Variants in HABP2 observed in about 807,000 individuals in gnomAD.
HABP2 encodes the protein factor VII-activating protease.
In HABP2, 65 loss-of-function variants were observed where a neutral mutation model predicts 66.5. The observed-to-expected ratio is 0.98, with a 90% CI of 0.80 to 1.20. The LOEUF (loss-of-function observed/expected upper bound fraction) is 1.20. Ranked by LOEUF, HABP2 falls within the 50% of genes most tolerant of loss-of-function variation. The pLI is 0.00. For synonymous variants in HABP2, 263 were observed against 253.9 expected (o/e 1.04, Z -0.34); for missense variants, 786 against 691.0 (o/e 1.14, Z -1.54).
At chr10:113,569,675 A>T (rs1439007259) in intron 2 of HABP2, 1 of 152,338 alleles carries the variant, frequency 6.6e-6, no homozygotes, top group East Asian at 1.9e-4. Flanking sequence ...GGCCTGTGGA[A>T]ATGCCTCTTC....
intron 1 of HABP2, among the ~76,000 whole-genome samples, chr10:113,561,328 T>C (rs1168065231): frequency 6.6e-6 from 1 of 152,182 alleles, no homozygotes; most frequent in African/African-American, 2.4e-5. Flanking sequence ...GGATTTGGCC[T>C]GGGCACTGGC....
chr10:113,559,499 G>A (rs981565001), intron 1 of HABP2, among the ~76,000 whole-genome samples: 1 of 152,228 alleles, frequency 6.6e-6, no homozygotes, highest in African/African-American at 2.4e-5. Context: ...AGTCTCCTCA[G>A]CCAGAAGCTT....
At chr10:113,581,384 C>G (rs1195339734) in intron 8 of HABP2, among the ~76,000 whole-genome samples, 1 of 152,216 alleles carries the variant, frequency 6.6e-6, no homozygotes, top group Non-Finnish European at 1.5e-5. Context: ...ATTTACTGCT[C>G]TCTCCTTTTG....
chr10:113,559,335 G>A (rs570907585), intron 1 of HABP2, among the ~76,000 whole-genome samples: 6 of 152,286 alleles, frequency 3.9e-5, no homozygotes, highest in Admixed American at 1.3e-4. Flanking sequence ...TCTCACCTGC[G>A]GAGTAATCAT....
At position 113,573,051 on chromosome 10, in the gene HABP2, G is replaced by A. The variant is rs1036627110; in HGVS notation, c.107-1238G>A. On this transcript the variant is annotated intron_variant, in intron 2 of 12. Transcript: ENST00000351270. ...ATCCTCCAAGCCATCAGCTGGCTCC[G>A]TAGGAGTGCCTTTTCAAGTCAGCTA... 6.6e-5 allele frequency among the ~76,000 whole-genome samples: 10 copies of A among 152,212 alleles called. No homozygotes were observed. In the East Asian group the frequency reaches 7.7e-4, roughly 12 times the overall value.
At chr10:113,568,896 T>A (rs145724543) in intron 2 of HABP2, among the ~76,000 whole-genome samples, 1 of 152,256 alleles carries the variant, frequency 6.6e-6, no homozygotes, top group East Asian at 1.9e-4. Context: ...GTAAGAGACA[T>A]CTACAGTGAG....
chr10:113,569,624 C>A (rs140060046), intron 2 of HABP2: 2 of 152,464 alleles, frequency 1.3e-5, no homozygotes, highest in African/African-American at 4.8e-5. Context: ...ACAGCACAGA[C>A]TCTGCCAATC....
intron 12 of HABP2, among the ~76,000 whole-genome samples, chr10:113,587,338 C>A (rs116051850): frequency 6.6e-5 from 10 of 150,810 alleles, no homozygotes; most frequent in Non-Finnish European, 1.3e-4. Context: ...AACAAACAAA[C>A]AAAAAAAAAC....
intron 2 of HABP2, chr10:113,570,178 T>C (rs1378033652): frequency 1.3e-5 from 2 of 152,218 alleles, no homozygotes; most frequent in African/African-American, 4.8e-5. Context: ...TATGATGTCA[T>C]CTCATTTGGC....
At chr10:113,551,754 C>G (rs1844902545), upstream of HABP2, among the ~76,000 whole-genome samples, 1 of 151,874 alleles carries the variant, frequency 6.6e-6, no homozygotes, top group Non-Finnish European at 1.5e-5. Flanking sequence ...TGCAGTGAGC[C>G]AAGATCACGC....
At chr10:113,581,693 G>T (rs1029386104) in intron 8 of HABP2, among the ~76,000 whole-genome samples, 183 bp from the exon 9 acceptor site, 1 of 152,198 alleles carries the variant, frequency 6.6e-6, no homozygotes, top group Non-Finnish European at 1.5e-5. Flanking sequence ...TTTATGTTAC[G>T]CAATGTATTC....
In HABP2 at chr10:113,589,484, C is replaced by A. The variant is rs117698899; in HGVS notation, c.*1115C>A. On this transcript the variant is annotated 3_prime_UTR_variant, in exon 13 of 13. Transcript: ENST00000351270. ...AGAGAAAGCCCTGCAGGAAGTTTAACCTGCGTGTCATCTGCCTGGTCATCT... is the reference window on the plus strand; with the variant it reads ...AGAGAAAGCCCTGCAGGAAGTTTAAACTGCGTGTCATCTGCCTGGTCATCT... The A allele has an allele frequency of 0.011, 7,584 of 680,604 alleles. 55 individuals are homozygous for A. The highest frequency in any genetic ancestry group is 0.021 in the Middle Eastern group (50 of 2,402). 42.2% of individuals were successfully genotyped at this position (680,604 alleles called of 1,614,324 possible).
At chr10:113,572,413 GA>G in intron 2 of HABP2, among the ~76,000 whole-genome samples, 1 of 152,196 alleles carries the variant, frequency 6.6e-6, no homozygotes, top group Non-Finnish European at 1.5e-5. Flanking sequence ...TAGCTGGTCT[GA>G]CTGCCAACCT....
chr10:113,569,632 A>G (rs769059087), intron 2 of HABP2: 3 of 152,358 alleles, frequency 2.0e-5, no homozygotes, highest in East Asian at 3.8e-4. Context: ...GACTCTGCCA[A>G]TCTCCCCAAA....
At chr10:113,576,374 C>T (rs1460312544) in intron 4 of HABP2, among the ~76,000 whole-genome samples, 1 of 152,152 alleles carries the variant, frequency 6.6e-6, no homozygotes, top group Non-Finnish European at 1.5e-5. Context: ...AGACCCAACC[C>T]AGTTAGAGAA....
Position 113,588,534 on chromosome 10 carries a change from G to C in HABP2, c.*165G>C. ...ACCCAGCCTGGGCCTTCCCAGACCA[G>C]CATTTGCACAATATCACCAGGCTTC... On this transcript the variant is annotated 3_prime_UTR_variant, in exon 13 of 13. Coordinates refer to ENST00000351270, the MANE Select transcript of HABP2 (RefSeq NM_004132.5). 1 of 564,922 alleles carries C rather than the reference G, an allele frequency of 1.8e-6. No individual in the cohort carries two copies. Among genetic ancestry groups the C allele is most frequent in the South Asian group, 2.7e-5 (1 of 36,500 alleles). 35.0% of individuals were successfully genotyped at this position (564,922 alleles called of 1,614,324 possible). A position where few individuals can be genotyped will look rare whatever the true frequency, so the allele number is the denominator to read the frequency against.
intron 3 of HABP2, among the ~76,000 whole-genome samples, 164 bp downstream of exon 3, chr10:113,574,569 G>A (rs1220790156): frequency 1.3e-5 from 2 of 152,108 alleles, no homozygotes; most frequent in Non-Finnish European, 2.9e-5. Flanking sequence ...AGATTCATAT[G>A]CTATGAGGAC....
chr10:113,586,005 C>G (rs1015903667), intron 12 of HABP2, 67 bp downstream of exon 12: 7 of 1,418,850 alleles, frequency 4.9e-6, no homozygotes, highest in Non-Finnish European at 6.9e-6. Flanking sequence ...GCAGAGGACC[C>G]TTAGAGCCCT....
chr10:113,562,292 C>G (rs969605886), intron 1 of HABP2, among the ~76,000 whole-genome samples: 4 of 152,142 alleles, frequency 2.6e-5, no homozygotes, highest in African/African-American at 9.7e-5. Context: ...GCTTACGTGC[C>G]TTTTGATCTG....
Sources: allele counts gnomAD v4.1 joint callset (sites outside exome capture counted in the v4.1 genomes callset), GRCh38; gene constraint gnomAD v4.1.1; transcripts MANE v1.5; gene names NCBI Gene and HGNC (gene_info 2026-07-23, HGNC 2026-07-21).